The following PLS1 variants were observed in gnomAD, a reference collection of about 807,000 sequenced individuals.
The protein encoded by PLS1 is plastin-1.
A neutral mutation model predicts 73.7 loss-of-function variants in PLS1; 32 were observed. The observed-to-expected ratio is 0.43, with a 90% CI of 0.33 to 0.58. The LOEUF is 0.58. PLS1 is among the 20% of genes least tolerant of loss of function. The probability of loss-of-function intolerance (pLI) is 0.04; values close to 1 mark genes in which losing one functional copy is unlikely to be tolerated. For synonymous variants in PLS1, 217 were observed against 261.3 expected (o/e 0.83, Z 1.63); for missense variants, 633 against 740.5 (o/e 0.85, Z 1.68).
intron 1 of PLS1, among the ~76,000 whole-genome samples, chr3:142,610,358 A>T (rs1250266886): frequency 6.6e-6 from 1 of 152,194 alleles, no homozygotes; most frequent in Non-Finnish European, 1.5e-5. Flanking sequence ...AATGCTCCGT[A>T]GGTTGAATGT....
chr3:142,677,972 A>G, intron 5 of PLS1, 60 bp from the exon 6 acceptor site: 1 of 767,182 alleles, frequency 1.3e-6, no homozygotes, highest in Admixed American at 2.7e-5. Flanking sequence ...GCTGTTTGCA[A>G]TAATAAACTA....
intron 1 of PLS1, among the ~76,000 whole-genome samples, chr3:142,598,874 G>A (rs1024351665): frequency 1.3e-4 from 20 of 151,950 alleles, no homozygotes; most frequent in African/African-American, 3.6e-4. Flanking sequence ...GGTGGTGGGC[G>A]CCTGTAGTCC....
At chr3:142,635,253 C>A in intron 1 of PLS1, among the ~76,000 whole-genome samples, 1 of 150,388 alleles carries the variant, frequency 6.6e-6, no homozygotes. Context: ...TTGGGTAATC[C>A]AAAAGAAGAA....
intron 1 of PLS1, among the ~76,000 whole-genome samples, chr3:142,620,224 A>T (rs946954951): frequency 1.3e-5 from 2 of 152,020 alleles, no homozygotes; most frequent in Non-Finnish European, 2.9e-5. Context: ...TCCCAGGTTC[A>T]AGTGATTCTT....
At chr3:142,692,838 CATATAT>C (rs537209567) in intron 10 of PLS1, among the ~76,000 whole-genome samples, 2 of 150,594 alleles carry the variant, frequency 1.3e-5, no homozygotes, top group Admixed American at 6.6e-5. Context: ...CTATTAGAAA[CATATAT>C]ATATATATCT....
chr3:142,601,205 A>G lies in PLS1; in HGVS notation c.-37+4696A>G, dbSNP rs564638040. Among the ~76,000 whole-genome samples the G allele has an allele frequency of 5.3e-5, 8 of 151,306 alleles. No homozygotes were observed. In the South Asian group the frequency reaches 8.4e-4, roughly 16 times the overall value. On this transcript the variant is annotated intron_variant, in intron 1 of 15. Coordinates refer to ENST00000457734, the MANE Select transcript of PLS1 (RefSeq NM_001145319.2). ...CTCCCAAAGTGCTGGGATTACAAGC[A>G]TGAGCCACCGCGCCCGGCCTATATT... is the stretch of plus-strand genomic sequence containing the variant.
At position 142,669,422 on chromosome 3, in the gene PLS1, G is replaced by A. The variant is rs774902670; in HGVS notation, c.103G>A (p.Glu35Lys). Residue 35 changes from glutamate (E) to lysine (K), a missense_variant, in exon 3 of 16, where the codon GAA becomes AAA. By Grantham distance (56) the Glu-to-Lys change is moderately conservative (BLOSUM62 1). Transcript: ENST00000457734. ...CAATAGTGGGTATGTCAGTGACTAT[G>A]AACTTCAAGACCTGTTTAAGGAAGC... ...IDNSGYVSDY[E>K]LQDLFKEASL... 1 of 1,599,004 alleles carries A rather than the reference G, an allele frequency of 6.3e-7. No individual in the cohort carries two copies.
intron 14 of PLS1, among the ~76,000 whole-genome samples, chr3:142,707,497 G>A (rs997377263): frequency 1.3e-5 from 2 of 152,150 alleles, no homozygotes; most frequent in Admixed American, 6.5e-5. Context: ...AAAAAGGTGA[G>A]CATTAGAGAA....
At chr3:142,688,660 T>G (rs1157086575) in intron 9 of PLS1, among the ~76,000 whole-genome samples, 1 of 152,244 alleles carries the variant, frequency 6.6e-6, no homozygotes, top group African/African-American at 2.4e-5. Context: ...AATTAAATTC[T>G]TCATTTTACT....
intron 10 of PLS1, among the ~76,000 whole-genome samples, chr3:142,693,041 T>G (rs1425529160): frequency 6.6e-6 from 1 of 152,104 alleles, no homozygotes; most frequent in South Asian, 2.1e-4. Context: ...TGGTTATTCT[T>G]AAAAAAAGAT....
chr3:142,694,251 TAGA>T (rs1227105630), intron 10 of PLS1, among the ~76,000 whole-genome samples: 1 of 152,072 alleles, frequency 6.6e-6, no homozygotes, highest in South Asian at 2.1e-4. Context: ...AAAGGGAATC[TAGA>T]AGGAGAGATT....
chr3:142,698,361 G>GT (rs1421234668), intron 12 of PLS1: 1 of 203,726 alleles, frequency 4.9e-6, no homozygotes. Flanking sequence ...CGTTCTGAAT[G>GT]TTTATTGGTT....
At chr3:142,676,960 TA>T (rs1330952161) in intron 5 of PLS1, among the ~76,000 whole-genome samples, 1 of 152,116 alleles carries the variant, frequency 6.6e-6, no homozygotes, top group African/African-American at 2.4e-5. Context: ...TGTTTTTACT[TA>T]AAAAGGAAAA....
chr3:142,653,018 A>G (rs562121584), intron 1 of PLS1, among the ~76,000 whole-genome samples: 106 of 152,026 alleles, frequency 7.0e-4, no homozygotes, highest in African/African-American at 2.5e-3. Context: ...TGTACAGCCA[A>G]TTTTTGGGTC....
chr3:142,615,816 C>A (rs1006700512), intron 1 of PLS1, among the ~76,000 whole-genome samples: 1 of 152,156 alleles, frequency 6.6e-6, no homozygotes, highest in Non-Finnish European at 1.5e-5. Flanking sequence ...TCTGTAAAAA[C>A]CACTTTAGCT....
intron 14 of PLS1, among the ~76,000 whole-genome samples, chr3:142,708,269 C>G (rs1441861871): frequency 3.3e-5 from 5 of 152,112 alleles, no homozygotes; most frequent in Non-Finnish European, 5.9e-5. Flanking sequence ...TTTTTTGAGA[C>G]TGAGTCTTGC....
chr3:142,688,859 C>T, intron 9 of PLS1, among the ~76,000 whole-genome samples: 1 of 152,060 alleles, frequency 6.6e-6, no homozygotes, highest in East Asian at 1.9e-4. Flanking sequence ...GTGAAAGGTG[C>T]TTTTCCCTAT....
intron 1 of PLS1, among the ~76,000 whole-genome samples, chr3:142,599,450 C>T (rs1008344246): frequency 6.6e-6 from 1 of 151,274 alleles, no homozygotes; most frequent in African/African-American, 2.4e-5. Context: ...CTGCCTCAGC[C>T]TCCCGAGTAG....
chr3:142,669,644 C>G (rs1488319187), intron 3 of PLS1, 91 bp downstream of exon 3: 9 of 758,006 alleles, frequency 1.2e-5, no homozygotes, highest in Non-Finnish European at 1.9e-5. Context: ...AATCCAGCTT[C>G]AGAGACCAGA....
Sources: allele counts gnomAD v4.1 joint callset (sites outside exome capture counted in the v4.1 genomes callset), GRCh38; gene constraint gnomAD v4.1.1; transcripts MANE v1.5; gene names NCBI Gene and HGNC (gene_info 2026-07-23, HGNC 2026-07-21).